CCSER1: variants seen among roughly 807,000 people sequenced by gnomAD.
CCSER1 encodes the protein serine-rich coiled-coil domain-containing protein 1.
Under a neutral mutation model 82.0 loss-of-function variants are expected in CCSER1, and 41 were observed. The observed-to-expected ratio is 0.50, with a 90% confidence interval of 0.39 to 0.65. CCSER1 has a LOEUF of 0.65. CCSER1 is among the 30% of genes least tolerant of loss of function. The pLI is 0.00. For missense variants in CCSER1, 1,119 were observed against 1,064.2 expected, an observed-to-expected ratio of 1.05 and a Z score of -0.72; for synonymous variants, 414 against 383.9, an observed-to-expected ratio of 1.08 and a Z score of -0.92.
At chr4:90,805,496 C>G (rs1259986008) in intron 7 of CCSER1, among the ~76,000 whole-genome samples, 1 of 152,160 alleles carries the variant, frequency 6.6e-6, no homozygotes, top group Non-Finnish European at 1.5e-5. Context: ...CTTTCCTGAT[C>G]TAATCCTGAA....
At chr4:90,999,945 C>T (rs1221924914) in intron 9 of CCSER1, among the ~76,000 whole-genome samples, 1 of 148,506 alleles carries the variant, frequency 6.7e-6, no homozygotes, top group South Asian at 2.1e-4. Flanking sequence ...TTTAATCCAC[C>T]TTGAGTTAGT....
At position 90,569,102 on chromosome 4, in the gene CCSER1, T is replaced by C. The variant is rs1779792976; in HGVS notation, c.1725-58923T>C. 2.0e-5 allele frequency among the ~76,000 whole-genome samples: 3 copies of C among 152,182 alleles called. No homozygotes were observed. In the South Asian group the frequency reaches 6.2e-4, roughly 32 times the overall value. Reference sequence around the variant, plus strand: ...TTTATGTAGTTGTATGTTTTACTTTTTTGCTTTTTATTTTTTGTGTATCTA... The same window carrying C: ...TTTATGTAGTTGTATGTTTTACTTTCTTGCTTTTTATTTTTTGTGTATCTA... On this transcript the variant is annotated intron_variant, in intron 5 of 10. Transcript: ENST00000509176.
chr4:90,148,526 C>T (rs1431707188), intron 1 of CCSER1, among the ~76,000 whole-genome samples: 4 of 151,998 alleles, frequency 2.6e-5, no homozygotes, highest in Admixed American at 6.6e-5. Flanking sequence ...TGATCCTGGT[C>T]GTAGAGTAAA....
intron 8 of CCSER1, among the ~76,000 whole-genome samples, chr4:90,849,266 G>A (rs1194672306): frequency 3.3e-5 from 5 of 152,168 alleles, no homozygotes; most frequent in Admixed American, 6.5e-5. Context: ...AGTCTGGGCC[G>A]AGGTGGTCTC....
chr4:90,633,757 A>T (rs1724909075), intron 6 of CCSER1, among the ~76,000 whole-genome samples: 1 of 151,938 alleles, frequency 6.6e-6, no homozygotes, highest in South Asian at 2.1e-4. Context: ...TTTCCTAGTG[A>T]TGGTCTGTCG....
At chr4:90,739,135 T>A (rs1296526026) in intron 7 of CCSER1, among the ~76,000 whole-genome samples, 1 of 152,242 alleles carries the variant, frequency 6.6e-6, no homozygotes, top group Non-Finnish European at 1.5e-5. Context: ...ACTGCCTGCC[T>A]GCTACTGCTC....
chr4:90,548,993 G>A (rs944238970), intron 5 of CCSER1, among the ~76,000 whole-genome samples: 1 of 152,026 alleles, frequency 6.6e-6, no homozygotes, highest in Admixed American at 6.6e-5. Flanking sequence ...AAACATCCAT[G>A]CTGGATTGAA....
rs28830498 is a variant in CCSER1 at position 90,270,539 on chromosome 4, T to C, written c.-41-37705T>C. On this transcript the variant is annotated intron_variant, in intron 1 of 10. Transcript: ENST00000509176. ...TGTGATAGACCCAGAGCTAGTATCA[T>C]ACAGACTAGGGAAAAACTGAAAGAC... 6.2e-3 allele frequency among the ~76,000 whole-genome samples: 948 copies of C among 152,202 alleles called. 7 individuals are homozygous for C. The highest frequency in any genetic ancestry group is 0.022 in the African/African-American group (921 of 41,564).
intron 10 of CCSER1, among the ~76,000 whole-genome samples, chr4:91,130,850 T>G (rs1727929047): frequency 6.6e-6 from 1 of 151,812 alleles, no homozygotes; most frequent in African/African-American, 2.4e-5. Context: ...AATTTTGAAT[T>G]ACTTTCACTT....
chr4:90,242,683 A>G (rs868417780), intron 1 of CCSER1, among the ~76,000 whole-genome samples: 1 of 152,204 alleles, frequency 6.6e-6, no homozygotes, highest in Non-Finnish European at 1.5e-5. Flanking sequence ...TATAAGGATA[A>G]CAATTAATTA....
chr4:90,351,702 GGTAGTAATGAAA>G (rs1743470010), intron 3 of CCSER1, among the ~76,000 whole-genome samples: 1 of 152,020 alleles, frequency 6.6e-6, no homozygotes, highest in Admixed American at 6.5e-5. Flanking sequence ...TTATGGACTG[GGTAGTAATGAAA>G]CACACACACA....
At chr4:90,810,603 C>A (rs1758127791) in intron 7 of CCSER1, among the ~76,000 whole-genome samples, 1 of 151,560 alleles carries the variant, frequency 6.6e-6, no homozygotes, top group Non-Finnish European at 1.5e-5. Context: ...CGAGATTGTG[C>A]CAAGGCACTC....
chr4:90,462,804 G>T (rs1039803547), intron 4 of CCSER1, among the ~76,000 whole-genome samples: 3 of 152,056 alleles, frequency 2.0e-5, no homozygotes, highest in African/African-American at 7.2e-5. Context: ...TCATTTTCCT[G>T]ATATTATACT....
At chr4:90,542,195 A>G (rs892816437) in intron 5 of CCSER1, among the ~76,000 whole-genome samples, 1 of 152,106 alleles carries the variant, frequency 6.6e-6, no homozygotes, top group Non-Finnish European at 1.5e-5. Flanking sequence ...GGGGAGTACC[A>G]GTTACTTGTC....
At chr4:90,134,588 A>T (rs1723345024) in intron 1 of CCSER1, among the ~76,000 whole-genome samples, 1 of 152,226 alleles carries the variant, frequency 6.6e-6, no homozygotes, top group Non-Finnish European at 1.5e-5. Context: ...GAGAAAGTTC[A>T]GACATTAGAT....
intron 9 of CCSER1, among the ~76,000 whole-genome samples, chr4:90,931,854 C>T (rs1438397124): frequency 6.6e-6 from 1 of 152,108 alleles, no homozygotes; most frequent in African/African-American, 2.4e-5. Context: ...TAGCTTCTAC[C>T]TTTTGCCAGT....
intron 7 of CCSER1, among the ~76,000 whole-genome samples, chr4:90,751,466 G>T (rs1458387809): frequency 6.6e-6 from 1 of 151,772 alleles, no homozygotes; most frequent in Non-Finnish European, 1.5e-5. Context: ...TGTAACATAT[G>T]GTGTTTACAT....
chr4:90,640,037 C>T lies in CCSER1; in HGVS notation c.1932+11805C>T, dbSNP rs75264174. The stretch of plus-strand genomic sequence containing the variant: ...TAAGAGCATAGTGTCTTTCAAAAAG[C>T]CAAGAGAAAATATTGCTTCAAGAAG... On this transcript the variant is annotated intron_variant, in intron 6 of 10. Coordinates refer to ENST00000509176, the MANE Select transcript of CCSER1 (RefSeq NM_001145065.2). Among the ~76,000 whole-genome samples, 3 of 152,068 alleles carry T rather than the reference C, an allele frequency of 2.0e-5. No homozygotes were observed. The South Asian group carries it at 6.2e-4, about 32-fold the overall frequency.
rs542090645 is a variant in CCSER1, at chr4:91,296,874, A to C, written c.2217+210880A>C. Among the ~76,000 whole-genome samples the C allele has an allele frequency of 2.0e-5, 3 of 151,724 alleles. No individual in the cohort carries two copies. The Admixed American group carries it at 2.0e-4, about 10-fold the overall frequency. ...TTTACTGCACCCATCTTTTTTACTT[A>C]GCACAGTTTTTAAAAAGGAATTTTT... On this transcript the variant is annotated intron_variant, in intron 10 of 10. Coordinates refer to ENST00000509176, the MANE Select transcript of CCSER1 (RefSeq NM_001145065.2).
Sources: allele counts gnomAD v4.1 joint callset (sites outside exome capture counted in the v4.1 genomes callset), GRCh38; gene constraint gnomAD v4.1.1; transcripts MANE v1.5; gene names NCBI Gene and HGNC (gene_info 2026-07-23, HGNC 2026-07-21).